Variants in ZNF678 observed in about 807,000 individuals in gnomAD.
ZNF678 encodes the protein hypothetical protein MGC42493.
Under a neutral mutation model 3.0 loss-of-function variants are expected in ZNF678, and 5 were observed. The observed-to-expected ratio is 1.69, with a 90% CI of 0.88 to 3.56. ZNF678 has a LOEUF of 3.56. Ranked by LOEUF, ZNF678 falls within the 30% of genes most tolerant of loss-of-function variation. The pLI is 0.00. For missense variants in ZNF678, 593 were observed against 605.0 expected (o/e 0.98, Z 0.21); for synonymous variants, 218 against 199.6 (o/e 1.09, Z -0.78).
At chr1:227,563,960 C>G (rs1469732514) in intron 1 of ZNF678, among the ~76,000 whole-genome samples, 1 of 152,246 alleles carries the variant, frequency 6.6e-6, no homozygotes, top group Non-Finnish European at 1.5e-5. Flanking sequence ...GTGCTTTGTC[C>G]AGAGGGGAGG....
chr1:227,646,961 G>C (rs1443531658), intron 2 of ZNF678, among the ~76,000 whole-genome samples: 1 of 152,230 alleles, frequency 6.6e-6, no homozygotes, highest in Non-Finnish European at 1.5e-5. Context: ...ACAGTACCAA[G>C]TTTTGATTCA....
intron 1 of ZNF678, chr1:227,582,537 C>T: frequency 4.9e-6 from 1 of 206,056 alleles, no homozygotes; most frequent in Non-Finnish European, 1.0e-5. Context: ...CTATGTTGCC[C>T]AGGCTGGTCT....
chr1:227,655,720 A>G lies in ZNF678; in HGVS notation c.1470A>G (p.Lys490=). The change falls in exon 4 of 4, where the codon AAA becomes AAG. Residue 490 remains lysine, a synonymous_variant. Transcript: ENST00000343776. The part of the protein sequence containing the change: ...KRIHTGEKRY[K]CKECGKGFYQ... ...TTCATACTGGAGAGAAACGCTACAAATGTAAAGAATGTGGAAAAGGTTTTT... is the reference window on the plus strand; with the variant it reads ...TTCATACTGGAGAGAAACGCTACAAGTGTAAAGAATGTGGAAAAGGTTTTT... The G allele has an allele frequency of 6.2e-7, 1 of 1,612,578 alleles. No individual in the cohort carries two copies. Among genetic ancestry groups the G allele is most frequent in the Non-Finnish European group, 8.5e-7 (1 of 1,179,106 alleles).
chr1:227,614,932 C>G (rs898777561), intron 1 of ZNF678, among the ~76,000 whole-genome samples: 1 of 152,182 alleles, frequency 6.6e-6, no homozygotes, highest in East Asian at 1.9e-4. Flanking sequence ...TAAGAAAAAT[C>G]TTAGAAAAAG....
At chr1:227,607,727 T>C (rs996447741) in intron 1 of ZNF678, among the ~76,000 whole-genome samples, 16 of 147,464 alleles carry the variant, frequency 1.1e-4, no homozygotes, top group African/African-American at 2.9e-4. Flanking sequence ...TTATAATATG[T>C]ATTTTATATA....
Position 227,655,537 on chromosome 1 carries a change from A to C in ZNF678, c.1287A>C (p.Gly429=). 1 of 1,612,738 alleles carries C rather than the reference A, an allele frequency of 6.2e-7. No homozygotes were observed. Among genetic ancestry groups the C allele is most frequent in the Non-Finnish European group, 8.5e-7 (1 of 1,179,390 alleles). Residue 429 remains glycine, a synonymous_variant, in exon 4 of 4, where the codon GGA becomes GGC. Transcript: ENST00000343776. ...CTAGCCATAAGAGAATTCATACTGGAGAGAAACCCTACAAATGTAAAGAAT... is the reference window on the plus strand; with the variant it reads ...CTAGCCATAAGAGAATTCATACTGGCGAGAAACCCTACAAATGTAAAGAAT... The part of the protein sequence containing the change: ...HLTSHKRIHT[G]EKPYKCKECG...
chr1:227,607,584 A>G (rs574742195), intron 1 of ZNF678, among the ~76,000 whole-genome samples: 1 of 151,512 alleles, frequency 6.6e-6, no homozygotes, highest in East Asian at 1.9e-4. Context: ...CATTTGACGA[A>G]TCAGTGGTTA....
chr1:227,660,728 T>G lies in ZNF678; in HGVS notation c.*4900T>G, dbSNP rs1003441540. ...TTTCTAATTTCTCTGGCCTGGAAATTCAGTAGCATGTTAAATAAGAGTGAT... is the reference window on the plus strand; with the variant it reads ...TTTCTAATTTCTCTGGCCTGGAAATGCAGTAGCATGTTAAATAAGAGTGAT... On this transcript the variant is annotated 3_prime_UTR_variant, in exon 4 of 4. Coordinates refer to ENST00000343776, the MANE Select transcript of ZNF678 (RefSeq NM_001367909.1). 2 of 152,164 alleles carry G rather than the reference T, an allele frequency of 1.3e-5. No individual in the cohort carries two copies. Among genetic ancestry groups the G allele is most frequent in the Admixed American group, 1.3e-4 (2 of 15,264 alleles). The allele number at this position is 152,164 out of a possible 1,614,324, so 9.4% of individuals were successfully genotyped here.
In ZNF678 at chr1:227,563,624, C is replaced by T; in HGVS notation, c.-264C>T. 8.1e-7 allele frequency: 1 copy of T among 1,227,456 alleles called. No individual in the cohort carries two copies. The highest frequency in any genetic ancestry group is 1.1e-6 in the Non-Finnish European group (1 of 916,858). The allele number at this position is 1,227,456 out of a possible 1,614,324, so 76.0% of individuals were successfully genotyped here. ...GCTATTTATCCCCAGCTGCGGGAGGCCCTGGTGACTCTGCTGCTGCAGTGT... is the reference window on the plus strand; with the variant it reads ...GCTATTTATCCCCAGCTGCGGGAGGTCCTGGTGACTCTGCTGCTGCAGTGT... On this transcript the variant is annotated 5_prime_UTR_variant, in exon 1 of 4. Coordinates refer to ENST00000343776, the MANE Select transcript of ZNF678 (RefSeq NM_001367909.1).
intron 1 of ZNF678, among the ~76,000 whole-genome samples, chr1:227,623,538 T>G (rs1658331997): frequency 6.6e-6 from 1 of 152,250 alleles, no homozygotes; most frequent in South Asian, 2.1e-4. Context: ...CGTTGAAATT[T>G]TTTTTATCCT....
intron 1 of ZNF678, among the ~76,000 whole-genome samples, chr1:227,641,771 A>G (rs1294392422): frequency 6.6e-6 from 1 of 152,122 alleles, no homozygotes; most frequent in East Asian, 1.9e-4. Context: ...AAAAAAAAAA[A>G]ACTTCACAAA....
At chr1:227,622,751 A>G (rs1177814899) in intron 1 of ZNF678, among the ~76,000 whole-genome samples, 1 of 152,122 alleles carries the variant, frequency 6.6e-6, no homozygotes, top group East Asian at 1.9e-4. Context: ...TAAGGCTGAA[A>G]CCCTCTAATC....
chr1:227,567,280 T>C lies in ZNF678; in HGVS notation c.-164+3556T>C, dbSNP rs560764650. ...AGTGTCTTACAATTTTATTCCCTTT[T>C]ATAAACACTGTCTTTGAGTGATTTT... On this transcript the variant is annotated intron_variant, in intron 1 of 3. Coordinates refer to ENST00000343776, the MANE Select transcript of ZNF678 (RefSeq NM_001367909.1). Among the ~76,000 whole-genome samples, 4 of 152,370 alleles carry C rather than the reference T, an allele frequency of 2.6e-5. No homozygotes were observed. The South Asian group carries it at 8.3e-4, about 32-fold the overall frequency.
At chr1:227,575,899 T>C (rs1330555878) in intron 1 of ZNF678, among the ~76,000 whole-genome samples, 1 of 152,194 alleles carries the variant, frequency 6.6e-6, no homozygotes, top group Non-Finnish European at 1.5e-5. Flanking sequence ...ATGGCTCTTA[T>C]TATTTTGAGG....
In ZNF678 at chr1:227,660,505, G is replaced by A. The variant is rs1451424073; in HGVS notation, c.*4677G>A. 3.3e-5 allele frequency: 5 copies of A among 151,822 alleles called. No individual in the cohort carries two copies. The highest frequency in any genetic ancestry group is 7.4e-5 in the Non-Finnish European group (5 of 67,886). The allele number at this position is 151,822 out of a possible 1,614,324, so 9.4% of individuals were successfully genotyped here. On this transcript the variant is annotated 3_prime_UTR_variant, in exon 4 of 4. Coordinates refer to ENST00000343776, the MANE Select transcript of ZNF678 (RefSeq NM_001367909.1). ...TCTGTAACTATTGCAGGTGTCAATTGTTTTCTTTATTTCTTTTTCAGATAG... is the reference window on the plus strand; with the variant it reads ...TCTGTAACTATTGCAGGTGTCAATTATTTTCTTTATTTCTTTTTCAGATAG...
intron 1 of ZNF678, among the ~76,000 whole-genome samples, chr1:227,571,490 C>G (rs1656839730): frequency 6.6e-6 from 1 of 152,098 alleles, no homozygotes; most frequent in Admixed American, 6.5e-5. Context: ...CAATGTGCAG[C>G]TTTTTATGTA....
intron 1 of ZNF678, among the ~76,000 whole-genome samples, chr1:227,614,635 A>G (rs1658100350): frequency 6.6e-6 from 1 of 152,182 alleles, no homozygotes; most frequent in Non-Finnish European, 1.5e-5. Flanking sequence ...TGTATGACAG[A>G]GATAAAGGCT....
downstream of ZNF678, among the ~76,000 whole-genome samples, chr1:227,667,029 G>A (rs1177509160): frequency 6.6e-6 from 1 of 151,474 alleles, no homozygotes; most frequent in Non-Finnish European, 1.5e-5. Context: ...ACAGGCGTGA[G>A]CTACCGCACC....
chr1:227,639,245 G>A (rs1310914353), intron 1 of ZNF678, among the ~76,000 whole-genome samples: 1 of 152,224 alleles, frequency 6.6e-6, no homozygotes, highest in Non-Finnish European at 1.5e-5. Context: ...CCAGCCAGGT[G>A]GAGGTGGATT....
Sources: gnomAD v4.1 joint callset for allele counts (sites outside exome capture counted in the v4.1 genomes callset) on GRCh38, gnomAD v4.1.1 for gene constraint, MANE v1.5 for transcripts, NCBI Gene and HGNC (gene_info 2026-07-23, HGNC 2026-07-21) for gene names.